CREB3L2: variants seen among roughly 807,000 people sequenced by gnomAD.
The protein encoded by CREB3L2 is cAMP responsive element binding protein 3 like 2, also known as cyclic AMP-responsive element-binding protein 3-like protein 2.
In CREB3L2, 23 loss-of-function variants were observed where a neutral mutation model predicts 57.2. The observed-to-expected ratio is 0.40, with a 90% CI of 0.29 to 0.57. The LOEUF is 0.57. Ranked by LOEUF, CREB3L2 falls within the 20% of genes least tolerant of loss-of-function variation. CREB3L2 has a pLI of 0.42. For missense variants in CREB3L2, 628 were observed against 634.7 expected (o/e 0.99, Z 0.11); for synonymous variants, 268 against 265.1 (o/e 1.01, Z -0.11).
Position 137,879,130 on chromosome 7 carries a change from G to C in CREB3L2, c.*1346C>G. On this transcript the variant is annotated 3_prime_UTR_variant, in exon 12 of 12. Coordinates refer to ENST00000330387, the MANE Select transcript of CREB3L2 (RefSeq NM_194071.4). ...TCCACTTCTTATTTATATGAAAGAGGAAAGATTTTTTTAAACTACAAAAGT... is the reference window on the plus strand; with the variant it reads ...TCCACTTCTTATTTATATGAAAGAGCAAAGATTTTTTTAAACTACAAAAGT... 2.0e-6 allele frequency: 1 copy of C among 501,616 alleles called. No homozygotes were observed. The highest frequency in any genetic ancestry group is 3.8e-6 in the Non-Finnish European group (1 of 265,616). The allele number at this position is 501,616 out of a possible 1,614,324, so 31.1% of individuals were successfully genotyped here.
chr7:137,913,805 A>G (rs1585619227), intron 3 of CREB3L2, among the ~76,000 whole-genome samples: 1 of 152,252 alleles, frequency 6.6e-6, no homozygotes, highest in Admixed American at 6.5e-5. Flanking sequence ...GATACTGGTG[A>G]GGATTCCCAA....
In CREB3L2 at chr7:137,880,438, T is replaced by A. The variant is rs771211415; in HGVS notation, c.*38A>T. On this transcript the variant is annotated 3_prime_UTR_variant, in exon 12 of 12. Coordinates refer to ENST00000330387, the MANE Select transcript of CREB3L2 (RefSeq NM_194071.4). This position sits in a 1 kb window ranked among gnomAD's most constrained non-coding sequence, Gnocchi z 4.0. ...CAAAGGTGGTTTGGGGATGTAAAAG[T>A]AGAGTTAAGGGAAAGGGAGGGGGTG... is the stretch of plus-strand genomic sequence containing the variant. The A allele has an allele frequency of 6.5e-7, 1 of 1,539,444 alleles. No homozygotes were observed. Among genetic ancestry groups the A allele is most frequent in the African/African-American group, 1.4e-5 (1 of 73,522 alleles).
intron 8 of CREB3L2, among the ~76,000 whole-genome samples, chr7:137,899,397 C>T (rs993472319): frequency 2.6e-5 from 4 of 152,230 alleles, no homozygotes; most frequent in African/African-American, 4.8e-5. Context: ...CAATTCTTGG[C>T]CAGGATTTGT....
At chr7:137,910,662 C>G (rs918289338) in intron 4 of CREB3L2, among the ~76,000 whole-genome samples, 1 of 152,126 alleles carries the variant, frequency 6.6e-6, no homozygotes, top group African/African-American at 2.4e-5. Context: ...CCTAGAGCCA[C>G]CCTGTCCCTT....
chr7:137,954,849 G>A (rs1157550978), intron 1 of CREB3L2, among the ~76,000 whole-genome samples: 4 of 152,060 alleles, frequency 2.6e-5, no homozygotes, highest in Non-Finnish European at 5.9e-5. Flanking sequence ...CACAGAAGTC[G>A]GAACAACTGC....
intron 1 of CREB3L2, among the ~76,000 whole-genome samples, chr7:137,986,216 C>T (rs1353968743): frequency 1.3e-5 from 2 of 152,236 alleles, no homozygotes; most frequent in Admixed American, 1.3e-4. Flanking sequence ...TTTTACTGGA[C>T]ACCTACCATG....
At chr7:137,997,994 G>T (rs973545158) in intron 1 of CREB3L2, among the ~76,000 whole-genome samples, 1 of 152,052 alleles carries the variant, frequency 6.6e-6, no homozygotes, top group African/African-American at 2.4e-5. Flanking sequence ...CCTAAAATCA[G>T]TACTCACTGA....
chr7:137,949,463 G>C (rs185694037), intron 1 of CREB3L2, among the ~76,000 whole-genome samples: 1 of 152,272 alleles, frequency 6.6e-6, no homozygotes, highest in African/African-American at 2.4e-5. Context: ...CAAAGGCTTG[G>C]GGAGGATTTC....
At chr7:137,983,217 T>C (rs1352505965) in intron 1 of CREB3L2, among the ~76,000 whole-genome samples, 3 of 152,102 alleles carry the variant, frequency 2.0e-5, no homozygotes, top group African/African-American at 4.8e-5. Flanking sequence ...CACGGCCCTA[T>C]GACAAGGTGG....
intron 1 of CREB3L2, among the ~76,000 whole-genome samples, chr7:137,948,051 A>G (rs759137194): frequency 2.6e-5 from 4 of 152,220 alleles, no homozygotes; most frequent in Non-Finnish European, 5.9e-5. Flanking sequence ...AGGTACTTCC[A>G]TACCTGACCT....
chr7:137,905,232 GA>G (rs1041474293), intron 6 of CREB3L2, among the ~76,000 whole-genome samples: 39 of 134,830 alleles, frequency 2.9e-4, no homozygotes, highest in East Asian at 6.4e-4. Flanking sequence ...ACCCTACCAA[GA>G]AAAAAAAAAA....
intron 3 of CREB3L2, among the ~76,000 whole-genome samples, chr7:137,915,629 T>C (rs1028632784): frequency 9.9e-5 from 15 of 152,212 alleles, no homozygotes; most frequent in Non-Finnish European, 1.8e-4. Flanking sequence ...CTACTAATTT[T>C]TTCCGAACAA....
chr7:137,981,127 C>T (rs928844352), intron 1 of CREB3L2, among the ~76,000 whole-genome samples: 3 of 151,964 alleles, frequency 2.0e-5, no homozygotes, highest in African/African-American at 4.8e-5. Context: ...CTAGGAAAAC[C>T]GGCAGAGTTA....
In CREB3L2 at chr7:137,962,580, C is replaced by A. The variant is rs1046346391; in HGVS notation, c.103-34214G>T. ...ATTGCACCTTCACTGCCCCCAGACT[C>A]AAATATCACAACATCAGGCAGGACT... On this transcript the variant is annotated intron_variant, in intron 1 of 11. Transcript: ENST00000330387. 1.3e-4 allele frequency among the ~76,000 whole-genome samples: 20 copies of A among 152,162 alleles called. No homozygotes were observed. The East Asian group carries it at 3.5e-3, about 27-fold the overall frequency.
Position 137,878,645 on chromosome 7 carries a change from CG to C in CREB3L2, c.*1830del, listed in dbSNP as rs886511737. 8.6e-6 allele frequency: 2 copies of C among 233,868 alleles called. No individual in the cohort carries two copies. The highest frequency in any genetic ancestry group is 1.7e-5 in the Non-Finnish European group (2 of 118,678). 14.5% of individuals were successfully genotyped at this position (233,868 alleles called of 1,614,324 possible). On this transcript the variant is annotated 3_prime_UTR_variant, in exon 12 of 12. Coordinates refer to ENST00000330387, the MANE Select transcript of CREB3L2 (RefSeq NM_194071.4). Reference sequence around the variant, plus strand: ...CCAGACAACAGGGCTGCCAGGACTACGGGGGCCCGATCCAGCTTCCACTCAC... The same window carrying C: ...CCAGACAACAGGGCTGCCAGGACTACGGGGCCCGATCCAGCTTCCACTCAC...
At chr7:137,908,710 A>G (rs931550719) in intron 4 of CREB3L2, among the ~76,000 whole-genome samples, 44 of 152,206 alleles carry the variant, frequency 2.9e-4, no homozygotes, top group African/African-American at 1.0e-3. Flanking sequence ...AAGGTGGCTC[A>G]TGGCTGTAAT....
chr7:137,935,957 G>A, intron 1 of CREB3L2: 1 of 980,542 alleles, frequency 1.0e-6, no homozygotes, highest in Non-Finnish European at 1.2e-6. Context: ...TTTATGATCT[G>A]GGCCACTTCC....
chr7:137,999,379 T>TACACACACACAC (rs60762009), intron 1 of CREB3L2, among the ~76,000 whole-genome samples: 5,977 of 142,358 alleles, frequency 0.042, 192 homozygotes, highest in Middle Eastern at 0.06. Flanking sequence ...TATGTTCCCC[T>TACACACACACAC]ACACACACAC....
chr7:137,973,572 AG>A (rs1801555144), intron 1 of CREB3L2, among the ~76,000 whole-genome samples: 1 of 152,234 alleles, frequency 6.6e-6, no homozygotes, highest in African/African-American at 2.4e-5. Flanking sequence ...GTAGCAGCAC[AG>A]GGCCCATCCG....
Sources: allele counts gnomAD v4.1 joint callset (sites outside exome capture counted in the v4.1 genomes callset), GRCh38; gene constraint gnomAD v4.1.1; non-coding constraint Gnocchi (gnomAD v3.1); transcripts MANE v1.5; gene names NCBI Gene and HGNC (gene_info 2026-07-23, HGNC 2026-07-21).